The following EIF4G3 variants were observed in gnomAD, a reference collection of about 807,000 sequenced individuals.
EIF4G3 encodes eIF-4-gamma 3.
EIF4G3 carries 34 observed loss-of-function variants against 186.4 expected under a neutral mutation model. The observed-to-expected ratio is 0.18, with a 90% CI of 0.14 to 0.24. EIF4G3 has a LOEUF of 0.24. EIF4G3 is among the 10% of genes least tolerant of loss of function. EIF4G3 has a pLI of 1.00. For synonymous variants in EIF4G3, 673 were observed against 679.5 expected (o/e 0.99, Z 0.15); for missense variants, 1,536 against 1,948.5 (o/e 0.79, Z 3.99).
At position 21,145,572 on chromosome 1, in the gene EIF4G3, G is replaced by C. The variant is rs79559646; in HGVS notation, c.-272+30603C>G. Among the ~76,000 whole-genome samples, 910 of 152,004 alleles carry C rather than the reference G, an allele frequency of 6.0e-3. 13 individuals carry two copies. Among genetic ancestry groups the C allele is most frequent in the East Asian group, 0.024 (125 of 5,178 alleles). The stretch of plus-strand genomic sequence containing the variant: ...GAGTCACCCCACCTAGCTATGCTAC[G>C]TGTTTTATCAAATGGAATTCATTTG... On this transcript the variant is annotated intron_variant, in intron 2 of 36. Coordinates refer to ENST00000602326, the MANE Select transcript of EIF4G3 (RefSeq NM_001391906.1).
intron 26 of EIF4G3, 110 bp downstream of exon 26, chr1:20,854,868 T>C: frequency 1.3e-6 from 1 of 751,632 alleles, no homozygotes; most frequent in Non-Finnish European, 2.2e-6. Flanking sequence ...TTAGGCATGA[T>C]TAGTCTACAC....
intron 2 of EIF4G3, among the ~76,000 whole-genome samples, chr1:21,100,159 A>G (rs2096483810): frequency 6.6e-6 from 1 of 152,176 alleles, no homozygotes; most frequent in Non-Finnish European, 1.5e-5. Flanking sequence ...GAATAGGTAA[A>G]TCCATAGAGG....
In EIF4G3 at chr1:21,053,240, A is replaced by G. The variant is rs1420264405; in HGVS notation, c.-195-2246T>C. ...CGTCTCTGCCCGGCCGCCCCGTCTG[A>G]GAAGTGAGGAGACCCTCTGCCTGGC... On this transcript the variant is annotated intron_variant, in intron 3 of 36. Coordinates refer to ENST00000602326, the MANE Select transcript of EIF4G3 (RefSeq NM_001391906.1). Among the ~76,000 whole-genome samples the G allele has an allele frequency of 1.6e-4, 22 of 136,782 alleles. No homozygotes were observed. The East Asian group carries it at 4.2e-3, about 26-fold the overall frequency. The allele number at this position is 136,782 out of a possible 152,430, so 89.7% of individuals were successfully genotyped here. A position where few individuals can be genotyped will look rare whatever the true frequency, so the allele number is the denominator to read the frequency against.
chr1:20,973,205 C>A, intron 10 of EIF4G3, 106 bp from the exon 11 acceptor site: 1 of 764,450 alleles, frequency 1.3e-6, no homozygotes. Context: ...AGGGTAAAAA[C>A]AAAAACACTA....
intron 14 of EIF4G3, among the ~76,000 whole-genome samples, chr1:20,910,186 A>T (rs1387677746): frequency 2.0e-5 from 3 of 152,218 alleles, no homozygotes; most frequent in African/African-American, 4.8e-5. Context: ...AATTAAAATT[A>T]AAAAAGATTC....
chr1:21,066,487 T>G (rs1023758265), intron 3 of EIF4G3, among the ~76,000 whole-genome samples: 1 of 151,934 alleles, frequency 6.6e-6, no homozygotes, highest in African/African-American at 2.4e-5. Flanking sequence ...CTAAAGAAAC[T>G]AAACACCTTT....
intron 4 of EIF4G3, among the ~76,000 whole-genome samples, chr1:21,045,950 T>A (rs2093860303): frequency 6.6e-6 from 1 of 152,178 alleles, no homozygotes; most frequent in African/African-American, 2.4e-5. Context: ...TAACAAAAGC[T>A]GCTCATTCAC....
chr1:21,039,111 T>A (rs2093413332), intron 4 of EIF4G3, among the ~76,000 whole-genome samples: 1 of 152,040 alleles, frequency 6.6e-6, no homozygotes, highest in Admixed American at 6.6e-5. Flanking sequence ...TACAGAGCAA[T>A]GAAAAGAAAA....
At chr1:20,895,535 A>G in intron 16 of EIF4G3, 34 bp from the exon 17 acceptor site, 1 of 1,609,194 alleles carries the variant, frequency 6.2e-7, no homozygotes, top group East Asian at 2.2e-5. Flanking sequence ...CACTGTTTGT[A>G]GGGCATTATA....
At chr1:20,809,874 C>A (rs760057873) in intron 36 of EIF4G3, among the ~76,000 whole-genome samples, 10 of 152,326 alleles carry the variant, frequency 6.6e-5, no homozygotes, top group Non-Finnish European at 1.0e-4. Context: ...ACTACCATCA[C>A]TGTGGAAAGT....
chr1:20,968,881 G>A (rs559708350), intron 12 of EIF4G3, among the ~76,000 whole-genome samples: 2 of 152,206 alleles, frequency 1.3e-5, no homozygotes, highest in East Asian at 1.9e-4. Context: ...GAACAACCAC[G>A]AATTTTGGTA....
chr1:20,885,400 C>T (rs1447244267), intron 19 of EIF4G3, among the ~76,000 whole-genome samples: 1 of 152,190 alleles, frequency 6.6e-6, no homozygotes, highest in Non-Finnish European at 1.5e-5. Flanking sequence ...AGATTAAGAA[C>T]CTGCCTAACA....
intron 7 of EIF4G3, among the ~76,000 whole-genome samples, chr1:20,989,353 C>T (rs566122948): frequency 9.0e-4 from 135 of 150,008 alleles, no homozygotes; most frequent in African/African-American, 3.3e-3. Flanking sequence ...GTCCCGAGTT[C>T]GAGACCAGCC....
intron 14 of EIF4G3, among the ~76,000 whole-genome samples, chr1:20,911,642 CCTA>C (rs2093245215): frequency 6.7e-6 from 1 of 150,014 alleles, no homozygotes; most frequent in Admixed American, 6.7e-5. Flanking sequence ...CCCAGAGTAT[CCTA>C]CTATTAGCTA....
chr1:21,076,159 C>A (rs2095582935), intron 3 of EIF4G3, among the ~76,000 whole-genome samples: 1 of 151,992 alleles, frequency 6.6e-6, no homozygotes, highest in South Asian at 2.1e-4. Context: ...GACCGATATA[C>A]AATGAAACTA....
intron 14 of EIF4G3, among the ~76,000 whole-genome samples, chr1:20,921,289 T>C (rs2094478344): frequency 6.6e-6 from 1 of 152,222 alleles, no homozygotes. Context: ...GTAGTGGGCT[T>C]GTAATATTAG....
chr1:20,862,831 A>G (rs765874721), intron 22 of EIF4G3, among the ~76,000 whole-genome samples: 2 of 152,128 alleles, frequency 1.3e-5, no homozygotes, highest in Non-Finnish European at 2.9e-5. Context: ...TGGGAGTGCA[A>G]TGGCTCAATT....
intron 13 of EIF4G3, among the ~76,000 whole-genome samples, chr1:20,948,579 A>C (rs374531621): frequency 6.6e-6 from 1 of 152,232 alleles, no homozygotes; most frequent in Non-Finnish European, 1.5e-5. Flanking sequence ...GTTTGATGTA[A>C]AAATCAATGA....
chr1:21,071,380 T>C (rs1326993005), intron 3 of EIF4G3, among the ~76,000 whole-genome samples: 3 of 152,062 alleles, frequency 2.0e-5, no homozygotes, highest in Non-Finnish European at 4.4e-5. Flanking sequence ...CATGCTACCA[T>C]GCTCCAGCCT....
Sources: gnomAD v4.1 joint callset for allele counts (sites outside exome capture counted in the v4.1 genomes callset) on GRCh38, gnomAD v4.1.1 for gene constraint, MANE v1.5 for transcripts, NCBI Gene and HGNC (gene_info 2026-07-23, HGNC 2026-07-21) for gene names.